SMURF2: variants seen among roughly 807,000 people sequenced by gnomAD.
SMURF2 encodes E3 ubiquitin-protein ligase SMURF2.
A neutral mutation model predicts 109.6 loss-of-function variants in SMURF2; 48 were observed. The ratio of observed to expected loss-of-function variants is 0.44; its 90% confidence interval spans 0.35 to 0.56. The LOEUF (loss-of-function observed/expected upper bound fraction) is 0.56, where lower values mean the gene tolerates loss of function less well. SMURF2 is among the 20% of genes least tolerant of loss of function. SMURF2 has a pLI of 0.01. For synonymous variants in SMURF2, 288 were observed against 317.1 expected (o/e 0.91, Z 0.97); for missense variants, 575 against 909.0 (o/e 0.63, Z 4.72).
At chr17:64,630,666 G>T (rs1463550268) in intron 1 of SMURF2, among the ~76,000 whole-genome samples, 1 of 152,150 alleles carries the variant, frequency 6.6e-6, no homozygotes, top group East Asian at 1.9e-4. Context: ...GCAGAAAAAG[G>T]TTTTATAACT....
At chr17:64,618,380 G>A (rs1466998098) in intron 1 of SMURF2, among the ~76,000 whole-genome samples, 4 of 152,178 alleles carry the variant, frequency 2.6e-5, no homozygotes, top group Non-Finnish European at 5.9e-5. Context: ...GGCACTCTAC[G>A]AAAGCTATTA....
At chr17:64,617,803 A>T (rs1054567799) in intron 1 of SMURF2, among the ~76,000 whole-genome samples, 2 of 152,140 alleles carry the variant, frequency 1.3e-5, no homozygotes, top group Non-Finnish European at 2.9e-5. Context: ...TTTCTAGTCC[A>T]CTCATATCAA....
At chr17:64,573,824 A>G (rs1471210948) in intron 9 of SMURF2, among the ~76,000 whole-genome samples, 7 of 152,354 alleles carry the variant, frequency 4.6e-5, no homozygotes, top group African/African-American at 1.7e-4. Context: ...TTAATGGTTT[A>G]GAAATGAAAA....
chr17:64,600,419 A>C (rs1233128916), intron 2 of SMURF2, among the ~76,000 whole-genome samples: 3 of 152,230 alleles, frequency 2.0e-5, no homozygotes, highest in African/African-American at 7.2e-5. Context: ...AGCTGAAAAT[A>C]CTAGAACAAA....
At chr17:64,582,556 T>C (rs1179763242) in intron 7 of SMURF2, among the ~76,000 whole-genome samples, 1 of 152,216 alleles carries the variant, frequency 6.6e-6, no homozygotes, top group Non-Finnish European at 1.5e-5. Context: ...CAGAGATTCC[T>C]CTGCTTATCA....
intron 4 of SMURF2, among the ~76,000 whole-genome samples, chr17:64,591,874 A>G (rs1555687731): frequency 6.6e-6 from 1 of 152,234 alleles, no homozygotes. Context: ...CTGGTAGAAC[A>G]TTACATCAGG....
Position 64,614,503 on chromosome 17 carries a change from C to T in SMURF2, c.53-7863G>A, listed in dbSNP as rs1598296846. On this transcript the variant is annotated intron_variant, in intron 1 of 18. Coordinates refer to ENST00000262435, the MANE Select transcript of SMURF2 (RefSeq NM_022739.4). ...TTATACTACTTCATCATGTTACTAC[C>T]CTTCTCAAATTCCTTCAAAGCATTT... Among the ~76,000 whole-genome samples the T allele has an allele frequency of 2.6e-5, 4 of 152,246 alleles. No individual in the cohort carries two copies. The South Asian group carries it at 8.3e-4, about 32-fold the overall frequency.
rs1226333930 is a variant in SMURF2 at position 64,566,313 on chromosome 17, ATAC to A, written c.1017-3350_1017-3348del. 1.3e-4 allele frequency among the ~76,000 whole-genome samples: 20 copies of A among 152,092 alleles called. No individual in the cohort carries two copies. In the East Asian group the frequency reaches 2.7e-3, roughly 21 times the overall value. On this transcript the variant is annotated intron_variant, in intron 10 of 18. Coordinates refer to ENST00000262435, the MANE Select transcript of SMURF2 (RefSeq NM_022739.4). ...ATAAATTGTTTCACATATAAATTAT[ATAC>A]TACATTACATAGCTGAATAAAAACT...
At chr17:64,595,040 C>G (rs1233429240) in intron 3 of SMURF2, among the ~76,000 whole-genome samples, 1 of 152,064 alleles carries the variant, frequency 6.6e-6, no homozygotes, top group African/African-American at 2.4e-5. Context: ...AACTAGTAAG[C>G]CTGGTTTACA....
intron 1 of SMURF2, among the ~76,000 whole-genome samples, chr17:64,627,383 T>C (rs950050232): frequency 8.5e-5 from 13 of 152,356 alleles, no homozygotes; most frequent in African/African-American, 2.9e-4. Context: ...CCCAAAGTGC[T>C]GGGATTACAG....
chr17:64,616,207 A>G (rs1462942494), intron 1 of SMURF2, among the ~76,000 whole-genome samples: 1 of 152,196 alleles, frequency 6.6e-6, no homozygotes, highest in Non-Finnish European at 1.5e-5. Context: ...TTTAGTAAAG[A>G]ATATAAACAT....
rs1018641052 is a variant in SMURF2 at position 64,630,554 on chromosome 17, A to G, written c.53-23914T>C. ...GGGGTAAGCAGTAAGGCAGAACTAT[A>G]ATATTGTGAAACCTAAAACCTTATA... On this transcript the variant is annotated intron_variant, in intron 1 of 18. Coordinates refer to ENST00000262435, the MANE Select transcript of SMURF2 (RefSeq NM_022739.4). Among the ~76,000 whole-genome samples the G allele has an allele frequency of 3.9e-5, 6 of 152,198 alleles. No homozygotes were observed. In the South Asian group the frequency reaches 1.0e-3, roughly 26 times the overall value.
chr17:64,662,250 G>A lies in SMURF2; in HGVS notation c.-370C>T, dbSNP rs1465334364. 3.1e-6 allele frequency: 3 copies of A among 983,150 alleles called. No homozygotes were observed. Among genetic ancestry groups the A allele is most frequent in the Non-Finnish European group, 2.4e-6 (2 of 829,160 alleles). The allele number at this position is 983,150 out of a possible 1,614,324, so 60.9% of individuals were successfully genotyped here. A position where few individuals can be genotyped will look rare whatever the true frequency, so the allele number is the denominator to read the frequency against. Reference sequence around the variant, plus strand: ...GTCGGCTGAAGCGGGCGGTGCTCGGGGGCGCCGGAGCAGAACTCTGGGCTC... The same window carrying A: ...GTCGGCTGAAGCGGGCGGTGCTCGGAGGCGCCGGAGCAGAACTCTGGGCTC... On this transcript the variant is annotated 5_prime_UTR_variant, in exon 1 of 19. Transcript: ENST00000262435.
chr17:64,625,560 T>C (rs2144700934), intron 1 of SMURF2, among the ~76,000 whole-genome samples: 1 of 152,012 alleles, frequency 6.6e-6, no homozygotes, highest in African/African-American at 2.4e-5. Context: ...GTGTAGATTA[T>C]GAGCCCACAT....
intron 5 of SMURF2, among the ~76,000 whole-genome samples, chr17:64,588,331 A>C (rs191409384): frequency 6.6e-6 from 1 of 152,072 alleles, no homozygotes; most frequent in Non-Finnish European, 1.5e-5. Flanking sequence ...TAAATTTGGG[A>C]GATTCTTTTC....
intron 1 of SMURF2, among the ~76,000 whole-genome samples, chr17:64,655,997 T>C (rs1437428388): frequency 6.6e-6 from 1 of 152,150 alleles, no homozygotes; most frequent in Non-Finnish European, 1.5e-5. Context: ...CTATAACTAA[T>C]ATAACTGAAA....
chr17:64,578,882 T>C (rs1372554096), intron 8 of SMURF2, among the ~76,000 whole-genome samples: 1 of 152,178 alleles, frequency 6.6e-6, no homozygotes, highest in Non-Finnish European at 1.5e-5. Context: ...AAATTTTAAA[T>C]GATGTATAAA....
At chr17:64,569,491 CA>C (rs149010064) in intron 10 of SMURF2, among the ~76,000 whole-genome samples, 4,675 of 151,226 alleles carry the variant, frequency 0.031, 239 homozygotes, top group African/African-American at 0.11. Flanking sequence ...GTCAATAGGC[CA>C]AAAAAAAGCT....
chr17:64,626,761 A>G (rs1465344848), intron 1 of SMURF2, among the ~76,000 whole-genome samples: 1 of 151,948 alleles, frequency 6.6e-6, no homozygotes, highest in Non-Finnish European at 1.5e-5. Context: ...AGATTCCATC[A>G]AAAAAACAAA....
Sources: allele counts gnomAD v4.1 joint callset (sites outside exome capture counted in the v4.1 genomes callset), GRCh38; gene constraint gnomAD v4.1.1; transcripts MANE v1.5; gene names NCBI Gene and HGNC (gene_info 2026-07-23, HGNC 2026-07-21).